The following RAB23 variants were observed in gnomAD, a reference collection of about 807,000 sequenced individuals.
The protein encoded by RAB23 is RAB23, member RAS oncogene family, also known as ras-related protein Rab-23.
RAB23 carries 15 observed loss-of-function variants against 30.0 expected under a neutral mutation model. That is an observed-to-expected ratio of 0.50 (90% confidence interval 0.33 to 0.77). The LOEUF (loss-of-function observed/expected upper bound fraction) is 0.77. Ranked by LOEUF, RAB23 falls within the 30% of genes least tolerant of loss-of-function variation. The pLI, the probability that RAB23 is intolerant of heterozygous loss-of-function variation, is 0.02. For missense variants in RAB23, 243 were observed against 275.4 expected, an observed-to-expected ratio of 0.88 and a Z score of 0.83; for synonymous variants, 93 against 94.0, an observed-to-expected ratio of 0.99 and a Z score of 0.06.
chr6:57,221,528 G>C (rs1248479735), intron 1 of RAB23, 198 bp downstream of exon 1: 1 of 152,506 alleles, frequency 6.6e-6, no homozygotes, highest in Non-Finnish European at 1.5e-5. Flanking sequence ...TGCCAGGGTG[G>C]AGCTGAGGAC....
chr6:57,214,308 CA>C (rs927617196), intron 1 of RAB23, among the ~76,000 whole-genome samples: 1 of 151,968 alleles, frequency 6.6e-6, no homozygotes, highest in African/African-American at 2.4e-5. Flanking sequence ...GAGCTCTTCC[CA>C]TTCTCAGTTT....
Position 57,188,568 on chromosome 6 carries a change from A to AATT in RAB23, c.*1890_*1892dup, listed in dbSNP as rs1303149780. 1 of 152,110 alleles carries AATT rather than the reference A, an allele frequency of 6.6e-6. No homozygotes were observed. The highest frequency in any genetic ancestry group is 1.5e-5 in the Non-Finnish European group (1 of 68,004). 9.4% of individuals were successfully genotyped at this position (152,110 alleles called of 1,614,324 possible). ...GTTGCAAAGTATTATTTTGTGCAAAAATTAAAGAGGAGAGTAGAGAGTAGA... is the reference window on the plus strand; with the variant it reads ...GTTGCAAAGTATTATTTTGTGCAAAAATTATTAAAGAGGAGAGTAGAGAGTAGA... On this transcript the variant is annotated 3_prime_UTR_variant, in exon 7 of 7. Coordinates refer to ENST00000468148, the MANE Select transcript of RAB23 (RefSeq NM_016277.5).
In RAB23 at chr6:57,190,382, T is replaced by C; in HGVS notation, c.*79A>G. 1 of 1,550,262 alleles carries C rather than the reference T, an allele frequency of 6.5e-7. No homozygotes were observed. The highest frequency in any genetic ancestry group is 1.1e-5 in the South Asian group (1 of 89,218). ...TTAGGAGCAAAGTCTGCTGAAAACC[T>C]TGTAACATACCATGACAGCTGGATG... is the stretch of plus-strand genomic sequence containing the variant. On this transcript the variant is annotated 3_prime_UTR_variant, in exon 7 of 7. Coordinates refer to ENST00000468148, the MANE Select transcript of RAB23 (RefSeq NM_016277.5).
intron 1 of RAB23, among the ~76,000 whole-genome samples, chr6:57,213,454 C>A (rs140026576): frequency 6.6e-6 from 1 of 152,198 alleles, no homozygotes; most frequent in African/African-American, 2.4e-5. Context: ...GTATCTCACA[C>A]TGGTTCAGTT....
rs369307301 is a variant in RAB23 at position 57,190,564 on chromosome 6, T to C, written c.611A>G (p.Gln204Arg). 48 of 1,613,906 alleles carry C rather than the reference T, an allele frequency of 3.0e-5. No individual in the cohort carries two copies. The highest frequency in any genetic ancestry group is 5.0e-5 in the Admixed American group (3 of 60,008). ...FNTSGGSHSG[Q>R]NSGTLNGGDV... is the part of the protein sequence containing the mutation. ...TCCACCATTGAGGGTACCTGAATTC[T>C]GACCGGAGTGACTTCCACCAGATGT... Residue 204 changes from glutamine (Q) to arginine (R), a missense_variant, in exon 7 of 7, where the codon CAG (glutamine) becomes CGG (arginine). Coordinates refer to ENST00000468148, the MANE Select transcript of RAB23 (RefSeq NM_016277.5).
At chr6:57,205,238 A>C (rs1481150303) in intron 3 of RAB23, among the ~76,000 whole-genome samples, 1 of 151,666 alleles carries the variant, frequency 6.6e-6, no homozygotes, top group Non-Finnish European at 1.5e-5. Flanking sequence ...GTGTGTGTGT[A>C]TGTATGTGTG....
At chr6:57,216,708 T>A (rs1050540025) in intron 1 of RAB23, among the ~76,000 whole-genome samples, 9 of 152,170 alleles carry the variant, frequency 5.9e-5, no homozygotes, top group African/African-American at 2.2e-4. Context: ...TTTATGGTTT[T>A]TTTTTTATTA....
At chr6:57,214,546 C>CAT (rs764262741) in intron 1 of RAB23, among the ~76,000 whole-genome samples, 2 of 152,152 alleles carry the variant, frequency 1.3e-5, no homozygotes, top group African/African-American at 2.4e-5. Flanking sequence ...TCAAGTGATC[C>CAT]ACCTGCCTTG....
At chr6:57,200,524 G>C (rs1165801371) in intron 3 of RAB23, among the ~76,000 whole-genome samples, 1 of 127,828 alleles carries the variant, frequency 7.8e-6, no homozygotes, top group Non-Finnish European at 1.6e-5. Context: ...GTGACAGAGT[G>C]AGACTCTGTC....
At chr6:57,195,605 T>G (rs1562650953) in intron 4 of RAB23, among the ~76,000 whole-genome samples, 1 of 152,216 alleles carries the variant, frequency 6.6e-6, no homozygotes, top group Non-Finnish European at 1.5e-5. Context: ...TGCTCTTTCT[T>G]GGATCACCCA....
intron 3 of RAB23, among the ~76,000 whole-genome samples, chr6:57,200,462 T>G (rs776765042): frequency 2.9e-5 from 4 of 137,158 alleles, no homozygotes; most frequent in Admixed American, 8.3e-5. Context: ...ACTTGAACCC[T>G]GGAGGAGGAG....
At position 57,213,286 on chromosome 6, in the gene RAB23, C is replaced by T. The variant is rs567846042; in HGVS notation, c.-65-2841G>A. Among the ~76,000 whole-genome samples, 13 of 152,248 alleles carry T rather than the reference C, an allele frequency of 8.5e-5. No homozygotes were observed. In the South Asian group the frequency reaches 1.7e-3, roughly 19 times the overall value. On this transcript the variant is annotated intron_variant, in intron 1 of 6. Coordinates refer to ENST00000468148, the MANE Select transcript of RAB23 (RefSeq NM_016277.5). Reference sequence around the variant, plus strand: ...GCCCAGTTCCTAACAGGCCACAGAACGGTACCAGTCCACGGCCTGGGAGTT... The same window carrying T: ...GCCCAGTTCCTAACAGGCCACAGAATGGTACCAGTCCACGGCCTGGGAGTT...
intron 4 of RAB23, among the ~76,000 whole-genome samples, chr6:57,195,169 G>A (rs562133258): frequency 6.6e-6 from 1 of 152,150 alleles, no homozygotes; most frequent in Admixed American, 6.5e-5. Context: ...TTAATCTCTA[G>A]CCCTAAACTA....
intron 1 of RAB23, among the ~76,000 whole-genome samples, chr6:57,214,006 A>T (rs1241644501): frequency 6.6e-6 from 1 of 151,904 alleles, no homozygotes; most frequent in African/African-American, 2.4e-5. Flanking sequence ...CTGGGGAGAA[A>T]TGAAGGCACC....
chr6:57,190,391 A>T lies in RAB23; in HGVS notation c.*70T>A, dbSNP rs114371587. On this transcript the variant is annotated 3_prime_UTR_variant, in exon 7 of 7. Coordinates refer to ENST00000468148, the MANE Select transcript of RAB23 (RefSeq NM_016277.5). ...AAGTCTGCTGAAAACCTTGTAACAT[A>T]CCATGACAGCTGGATGGGTTTCTTA... The T allele has an allele frequency of 3.6e-4, 560 of 1,568,256 alleles. 2 individuals carry two copies. In the African/African-American group the frequency reaches 7.1e-3, roughly 20 times the overall value.
In RAB23 at chr6:57,207,715, TA is replaced by T; in HGVS notation, c.156-3del. 6.4e-7 allele frequency: 1 copy of T among 1,568,392 alleles called. No homozygotes were observed. The highest frequency in any genetic ancestry group is 8.8e-7 in the Non-Finnish European group (1 of 1,139,812). ...AGTCTGACATCTTCATCATTAACTC[TA>T]AAACAAGAGATGAATTTATTTCATA... On this transcript the variant is annotated splice_polypyrimidine_tract_variant and splice_region_variant and intron_variant, in intron 2 of 6. Coordinates refer to ENST00000468148, the MANE Select transcript of RAB23 (RefSeq NM_016277.5).
intron 1 of RAB23, among the ~76,000 whole-genome samples, chr6:57,216,716 T>C (rs1765851110): frequency 6.6e-6 from 1 of 152,194 alleles, no homozygotes; most frequent in Admixed American, 6.5e-5. Flanking sequence ...TTTTTTTTTA[T>C]TATATGCTAT....
In RAB23 at chr6:57,210,363, C is replaced by A. The variant is rs756913677; in HGVS notation, c.18G>T (p.Met6Ile). The A allele has an allele frequency of 6.2e-7, 1 of 1,613,976 alleles. No homozygotes were observed. The highest frequency in any genetic ancestry group is 8.5e-7 in the Non-Finnish European group (1 of 1,179,996). MLEED[M>I]EVAIKMVVVG... ...CAACCACCATCTTTATGGCGACTTC[C>A]ATATCTTCCTCCAACATTTTTGGAG... is the stretch of plus-strand genomic sequence containing the variant. Residue 6 changes from methionine (M) to isoleucine (I), a missense_variant, in exon 2 of 7, where the codon ATG (methionine) becomes ATT (isoleucine). Transcript: ENST00000468148.
intron 6 of RAB23, among the ~76,000 whole-genome samples, chr6:57,191,114 TACATCAATGG>T (rs1013674748): frequency 6.6e-6 from 1 of 152,230 alleles, no homozygotes; most frequent in African/African-American, 2.4e-5. Flanking sequence ...TATCCTTTCA[TACATCAATGG>T]ACACAGATTT....
Sources: gnomAD v4.1 joint callset for allele counts (sites outside exome capture counted in the v4.1 genomes callset) on GRCh38, gnomAD v4.1.1 for gene constraint, MANE v1.5 for transcripts, NCBI Gene and HGNC (gene_info 2026-07-23, HGNC 2026-07-21) for gene names.